Variants in DTNA observed in about 807,000 individuals in gnomAD.
DTNA encodes the protein dystrobrevin alpha.
DTNA carries 43 observed loss-of-function variants against 100.7 expected under a neutral mutation model. The observed-to-expected ratio is 0.43, with a 90% CI of 0.33 to 0.55. The LOEUF is 0.55. Ranked by LOEUF, DTNA falls within the 20% of genes least tolerant of loss-of-function variation. The probability of loss-of-function intolerance (pLI) is 0.04; values close to 1 mark genes in which losing one functional copy is unlikely to be tolerated. For synonymous variants in DTNA, 349 were observed against 347.9 expected (o/e 1.00, Z -0.04); for missense variants, 798 against 953.9 (o/e 0.84, Z 2.15).
At chr18:34,549,211 G>T (rs1001374037) in intron 1 of DTNA, among the ~76,000 whole-genome samples, 1 of 151,936 alleles carries the variant, frequency 6.6e-6, no homozygotes, top group Admixed American at 6.6e-5. Context: ...ACCCCTCTAT[G>T]ATCTGTCCAC....
At chr18:34,837,291 G>T (rs951364059) in intron 11 of DTNA, among the ~76,000 whole-genome samples, 1 of 152,092 alleles carries the variant, frequency 6.6e-6, no homozygotes, top group Non-Finnish European at 1.5e-5. Context: ...CATAGTTCTC[G>T]ATGTAGCATG....
In DTNA at chr18:34,848,394, G is replaced by C; in HGVS notation, c.1434+11G>C. 2 of 1,613,626 alleles carry C rather than the reference G, an allele frequency of 1.2e-6. No homozygotes were observed. The highest frequency in any genetic ancestry group is 1.1e-5 in the South Asian group (1 of 91,046). ...GAGTCCTCTTCGTCTGTAAGTAGTT[G>C]GAGTAAAAGGATTCGTCTGTTGGCA... On this transcript the variant is annotated intron_variant, in intron 14 of 22. Coordinates refer to ENST00000444659, the MANE Select transcript of DTNA (RefSeq NM_001386795.1).
chr18:34,625,531 A>C (rs2057203903), intron 1 of DTNA, among the ~76,000 whole-genome samples: 1 of 152,214 alleles, frequency 6.6e-6, no homozygotes, highest in South Asian at 2.1e-4. Flanking sequence ...AAAGGACAAT[A>C]ATACAAACAT....
intron 17 of DTNA, chr18:34,866,277 G>A (rs1023449833): frequency 1.9e-6 from 3 of 1,554,638 alleles, no homozygotes; most frequent in South Asian, 1.2e-5. Context: ...CTTTTTCAAT[G>A]TAGTGCTTGA....
chr18:34,689,515 A>G (rs1473299293), intron 1 of DTNA, among the ~76,000 whole-genome samples: 1 of 152,100 alleles, frequency 6.6e-6, no homozygotes, highest in African/African-American at 2.4e-5. Context: ...CTTCCTCTGG[A>G]AGCTTCGTCC....
chr18:34,770,944 G>A (rs1056091610), intron 3 of DTNA, among the ~76,000 whole-genome samples: 7 of 151,750 alleles, frequency 4.6e-5, no homozygotes, highest in African/African-American at 9.7e-5. Flanking sequence ...CACCACGCCC[G>A]GCTAATTTTG....
chr18:34,568,012 T>G (rs1365975906), intron 1 of DTNA, among the ~76,000 whole-genome samples: 1 of 152,082 alleles, frequency 6.6e-6, no homozygotes, highest in Non-Finnish European at 1.5e-5. Flanking sequence ...ATGGAGAGAA[T>G]GCTCTTTGAA....
intron 4 of DTNA, among the ~76,000 whole-genome samples, chr18:34,794,985 C>A (rs531985867): frequency 2.6e-5 from 4 of 152,290 alleles, no homozygotes; most frequent in Non-Finnish European, 4.4e-5. Context: ...ACAAAGGTTT[C>A]TTTACCAAGG....
Position 34,890,727 on chromosome 18 carries a change from G to A in DTNA, c.*2993G>A, listed in dbSNP as rs1182243865. The A allele has an allele frequency of 2.2e-6, 1 of 454,430 alleles. No homozygotes were observed. Among genetic ancestry groups the A allele is most frequent in the Non-Finnish European group, 3.9e-6 (1 of 253,182 alleles). The allele number at this position is 454,430 out of a possible 1,614,324, so 28.1% of individuals were successfully genotyped here. ...GTCAGAGGGAGTTGTGCTGGAGATT[G>A]TGAAAAATGGGTTCTTGAATGATCT... On this transcript the variant is annotated 3_prime_UTR_variant, in exon 23 of 23. Transcript: ENST00000444659.
intron 1 of DTNA, among the ~76,000 whole-genome samples, chr18:34,598,239 G>T (rs2051051838): frequency 1.3e-5 from 2 of 148,466 alleles, no homozygotes; most frequent in Admixed American, 6.7e-5. Flanking sequence ...TTTACCAAAT[G>T]TGATGTATAA....
At chr18:34,494,141 G>C (rs2038903368) in intron 1 of DTNA, 1 of 152,006 alleles carries the variant, frequency 6.6e-6, no homozygotes, top group African/African-American at 2.4e-5. Flanking sequence ...AGTTGTTTTC[G>C]TTGTGGTCGC....
At chr18:34,710,816 C>G (rs115657575) in intron 1 of DTNA, among the ~76,000 whole-genome samples, 2,230 of 151,966 alleles carry the variant, frequency 0.015, 60 homozygotes, top group African/African-American at 0.052. Flanking sequence ...AAATGGTCCG[C>G]TTTTCTTAGA....
At chr18:34,657,078 A>ATGT (rs1308093977) in intron 1 of DTNA, among the ~76,000 whole-genome samples, 1 of 152,068 alleles carries the variant, frequency 6.6e-6, no homozygotes, top group Non-Finnish European at 1.5e-5. Flanking sequence ...AGGTTTCATC[A>ATGT]TGTTGCCCAG....
At chr18:34,786,579 C>T (rs956374258) in intron 3 of DTNA, among the ~76,000 whole-genome samples, 2 of 152,060 alleles carry the variant, frequency 1.3e-5, no homozygotes, top group South Asian at 2.1e-4. Flanking sequence ...ACTTTAAGCA[C>T]GGAGGGCAGG....
chr18:34,782,671 T>C (rs1050320676), intron 3 of DTNA, among the ~76,000 whole-genome samples: 3 of 152,162 alleles, frequency 2.0e-5, no homozygotes, highest in African/African-American at 7.2e-5. Context: ...CAAGGGAATG[T>C]CCTGGAATTT....
chr18:34,849,654 A>G (rs184584674), intron 14 of DTNA, among the ~76,000 whole-genome samples: 12 of 152,354 alleles, frequency 7.9e-5, no homozygotes, highest in Admixed American at 5.2e-4. Flanking sequence ...TGAGCCCCAC[A>G]GTGTTTTCAA....
Position 34,889,673 on chromosome 18 carries a change from A to G in DTNA, c.*1939A>G, listed in dbSNP as rs1171557169. On this transcript the variant is annotated 3_prime_UTR_variant, in exon 23 of 23. Transcript: ENST00000444659. ...CTCCTTGGCTGCCCTTTGAAACCAA[A>G]TCACTTGCCTTGGGGATAAAGTGCT... The G allele has an allele frequency of 3.0e-6, 3 of 985,656 alleles. No homozygotes were observed. Among genetic ancestry groups the G allele is most frequent in the Non-Finnish European group, 3.6e-6 (3 of 830,002 alleles). The allele number at this position is 985,656 out of a possible 1,614,324, so 61.1% of individuals were successfully genotyped here. A position where few individuals can be genotyped will look rare whatever the true frequency, so the allele number is the denominator to read the frequency against.
chr18:34,622,213 A>G (rs2056625088), intron 1 of DTNA, among the ~76,000 whole-genome samples: 1 of 152,226 alleles, frequency 6.6e-6, no homozygotes, highest in Non-Finnish European at 1.5e-5. Context: ...AGCACAATGT[A>G]TACATATATC....
chr18:34,522,972 G>A (rs149552545), intron 1 of DTNA, among the ~76,000 whole-genome samples: 165 of 152,316 alleles, frequency 1.1e-3, no homozygotes, highest in African/African-American at 3.5e-3. Flanking sequence ...TAAACTAAGC[G>A]TCAGGAAAGA....
Sources: gnomAD v4.1 joint callset for allele counts (sites outside exome capture counted in the v4.1 genomes callset) on GRCh38, gnomAD v4.1.1 for gene constraint, MANE v1.5 for transcripts, NCBI Gene and HGNC (gene_info 2026-07-23, HGNC 2026-07-21) for gene names.